Variants in CSMD1 observed in about 807,000 individuals in gnomAD.
CSMD1 encodes the protein CUB and Sushi multiple domains 1.
CSMD1 carries 213 observed loss-of-function variants against 417.5 expected under a neutral mutation model. The observed-to-expected ratio is 0.51, with a 90% CI of 0.46 to 0.57. The LOEUF is 0.57. Among genes scored for constraint, CSMD1 ranks in the 20% least tolerant of loss-of-function variants. The probability of loss-of-function intolerance (pLI) is 0.00; values close to 1 mark genes in which losing one functional copy is unlikely to be tolerated. For synonymous variants in CSMD1, 2,862 were observed against 1,736.8 expected (o/e 1.65, Z -16.11); for missense variants, 6,923 against 4,529.7 (o/e 1.53, Z -15.17).
At chr8:4,186,105 G>A (rs964325412) in intron 3 of CSMD1, among the ~76,000 whole-genome samples, 2 of 152,070 alleles carry the variant, frequency 1.3e-5, no homozygotes, top group South Asian at 2.1e-4. Context: ...TCTTTGATTG[G>A]GCCATGCCAG....
chr8:4,622,320 G>A (rs556174400), intron 2 of CSMD1, among the ~76,000 whole-genome samples: 8 of 152,082 alleles, frequency 5.3e-5, no homozygotes, highest in South Asian at 4.2e-4. Flanking sequence ...GTGGCCCACC[G>A]GGCAGCAAAA....
At chr8:4,241,944 A>T (rs553538403) in intron 3 of CSMD1, among the ~76,000 whole-genome samples, 26 of 152,192 alleles carry the variant, frequency 1.7e-4, no homozygotes, top group Non-Finnish European at 2.5e-4. Context: ...CCAATTGACC[A>T]GATTCAGTAT....
chr8:3,748,360 T>C (rs1280494949), intron 6 of CSMD1, among the ~76,000 whole-genome samples: 1 of 152,184 alleles, frequency 6.6e-6, no homozygotes, highest in African/African-American at 2.4e-5. Context: ...ACCTACCTAA[T>C]AGTTCCCTCA....
At chr8:3,305,139 T>TCAAAGAAAG (rs1185805414) in intron 25 of CSMD1, among the ~76,000 whole-genome samples, 12 of 152,112 alleles carry the variant, frequency 7.9e-5, no homozygotes, top group African/African-American at 2.9e-4. Flanking sequence ...CTTCATCCCC[T>TCAAAGAAAG]CAAAGAAAGT....
At position 4,521,791 on chromosome 8, in the gene CSMD1, G is replaced by T. The variant is rs116772378; in HGVS notation, c.303-101726C>A. 7.4e-3 allele frequency among the ~76,000 whole-genome samples: 1,123 copies of T among 152,234 alleles called. 14 individuals are homozygous for T. The highest frequency in any genetic ancestry group is 0.026 in the African/African-American group (1,075 of 41,546). On this transcript the variant is annotated intron_variant, in intron 2 of 69. Coordinates refer to ENST00000635120, the MANE Select transcript of CSMD1 (RefSeq NM_033225.6). ...CTTCACTGGATACTTAAGTGTGAAA[G>T]GAAAACCAAGCACCTGGGTGGCCTA... is the stretch of plus-strand genomic sequence containing the variant.
At chr8:4,505,792 C>T (rs550789393) in intron 2 of CSMD1, among the ~76,000 whole-genome samples, 2 of 151,896 alleles carry the variant, frequency 1.3e-5, no homozygotes, top group South Asian at 4.2e-4. Context: ...ATGAGTTCCA[C>T]ACTCATGTTC....
chr8:4,194,492 GATT>G (rs1799217321), intron 3 of CSMD1, among the ~76,000 whole-genome samples: 1 of 152,216 alleles, frequency 6.6e-6, no homozygotes, highest in Middle Eastern at 3.4e-3. Context: ...AATAAATAGT[GATT>G]ATCATGTAAA....
chr8:3,305,372 C>G (rs1804750917), intron 25 of CSMD1, among the ~76,000 whole-genome samples: 1 of 151,992 alleles, frequency 6.6e-6, no homozygotes, highest in African/African-American at 2.4e-5. Context: ...CTGTCTCCAC[C>G]AAAACTCATG....
At chr8:3,238,163 G>C (rs555159295) in intron 26 of CSMD1, among the ~76,000 whole-genome samples, 17 of 152,074 alleles carry the variant, frequency 1.1e-4, no homozygotes, top group Middle Eastern at 3.4e-3. Context: ...CAGTCAAAGG[G>C]GGGTTGTTCT....
chr8:4,769,652 G>C (rs1485790123), intron 1 of CSMD1, among the ~76,000 whole-genome samples: 1 of 152,082 alleles, frequency 6.6e-6, no homozygotes, highest in Non-Finnish European at 1.5e-5. Context: ...AAAAGAAACG[G>C]GAGGCTTGGA....
chr8:3,073,843 G>A (rs1353358891), intron 49 of CSMD1, among the ~76,000 whole-genome samples: 2 of 151,798 alleles, frequency 1.3e-5, no homozygotes, highest in East Asian at 1.9e-4. Flanking sequence ...GAATGAAAAT[G>A]GAAACAATGA....
intron 1 of CSMD1, among the ~76,000 whole-genome samples, chr8:4,784,534 G>C (rs1248523871): frequency 6.6e-6 from 1 of 152,174 alleles, no homozygotes. Context: ...AGACCCTTTA[G>C]TGTTTTAAGA....
At chr8:4,696,377 A>G (rs1006319540) in intron 1 of CSMD1, among the ~76,000 whole-genome samples, 1 of 152,204 alleles carries the variant, frequency 6.6e-6, no homozygotes, top group African/African-American at 2.4e-5. Flanking sequence ...GCCTACCTCT[A>G]TAGTATGAAG....
At chr8:3,898,531 T>C (rs1375604478) in intron 5 of CSMD1, among the ~76,000 whole-genome samples, 1 of 152,246 alleles carries the variant, frequency 6.6e-6, no homozygotes, top group East Asian at 1.9e-4. Flanking sequence ...GTCATATCTT[T>C]GGGTTGTCAC....
At chr8:4,354,778 G>GA (rs1182640124) in intron 3 of CSMD1, among the ~76,000 whole-genome samples, 1 of 151,344 alleles carries the variant, frequency 6.6e-6, no homozygotes, top group African/African-American at 2.4e-5. Flanking sequence ...CCCCCTCCCA[G>GA]AAAAATGAAA....
chr8:3,599,066 G>A (rs1052107376), intron 8 of CSMD1, among the ~76,000 whole-genome samples: 1 of 152,002 alleles, frequency 6.6e-6, no homozygotes, highest in African/African-American at 2.4e-5. Context: ...GGGTGTCAGA[G>A]CAAGACTCCG....
chr8:4,644,396 TAC>T (rs1803384823), intron 1 of CSMD1, among the ~76,000 whole-genome samples: 2 of 131,950 alleles, frequency 1.5e-5, no homozygotes, highest in South Asian at 6.1e-4. Flanking sequence ...CTTCCAACAT[TAC>T]ATGCTACCCT....
At chr8:3,752,967 G>T (rs1480678657) in intron 6 of CSMD1, among the ~76,000 whole-genome samples, 1 of 152,156 alleles carries the variant, frequency 6.6e-6, no homozygotes, top group East Asian at 1.9e-4. Context: ...AAAATCTCCA[G>T]CAGGAGCTAT....
At chr8:4,628,732 A>G (rs1219095743) in intron 2 of CSMD1, among the ~76,000 whole-genome samples, 1 of 152,144 alleles carries the variant, frequency 6.6e-6, no homozygotes, top group Non-Finnish European at 1.5e-5. Context: ...AAGCCATCTA[A>G]GAGCCCTCAG....
Sources: gnomAD v4.1 joint callset for allele counts (sites outside exome capture counted in the v4.1 genomes callset) on GRCh38, gnomAD v4.1.1 for gene constraint, MANE v1.5 for transcripts, NCBI Gene and HGNC (gene_info 2026-07-23, HGNC 2026-07-21) for gene names.